ACSM6: variants seen among roughly 807,000 people sequenced by gnomAD.
The protein encoded by ACSM6 is acyl-coenzyme A synthetase ACSM6, mitochondrial.
In ACSM6, 35 loss-of-function variants were observed where a neutral mutation model predicts 51.1. The ratio of observed to expected loss-of-function variants is 0.69; its 90% CI spans 0.52 to 0.91. The LOEUF is 0.91. ACSM6 is among the 40% of genes least tolerant of loss of function. The pLI, the probability that ACSM6 is intolerant of heterozygous loss-of-function variation, is 0.00. For synonymous variants in ACSM6, 172 were observed against 207.3 expected, an observed-to-expected ratio of 0.83 and a Z score of 1.46; for missense variants, 509 against 584.1, an observed-to-expected ratio of 0.87 and a Z score of 1.32.
At chr10:95,195,014 C>T (rs1389247273) in intron 2 of ACSM6, among the ~76,000 whole-genome samples, 4 of 152,194 alleles carry the variant, frequency 2.6e-5, no homozygotes, top group African/African-American at 9.7e-5. Flanking sequence ...AAGTGTTTAG[C>T]ACAGGACTCA....
intron 3 of ACSM6, among the ~76,000 whole-genome samples, chr10:95,204,566 A>G (rs2034825081): frequency 6.6e-6 from 1 of 152,074 alleles, no homozygotes; most frequent in African/African-American, 2.4e-5. Flanking sequence ...TAAAAAAATA[A>G]TAATAATAAT....
chr10:95,209,570 A>C (rs2034874980), intron 4 of ACSM6, among the ~76,000 whole-genome samples: 2 of 152,220 alleles, frequency 1.3e-5, no homozygotes, highest in South Asian at 4.2e-4. Flanking sequence ...GTGGCAATGG[A>C]GACAGGACCG....
At chr10:95,225,215 T>C in intron 9 of ACSM6, 75 bp from the exon 10 acceptor site, 1 of 1,098,902 alleles carries the variant, frequency 9.1e-7, no homozygotes, top group South Asian at 1.4e-5. Context: ...AGGCTTAAGT[T>C]TAGATCTTGT....
intron 10 of ACSM6, chr10:95,225,631 CATT>C (rs1210424267): frequency 1.4e-5 from 5 of 369,538 alleles, no homozygotes; most frequent in Non-Finnish European, 2.4e-5. Flanking sequence ...TAAATGCAGA[CATT>C]ATGACACTTT....
At chr10:95,221,833 CA>C (rs1404214755) in intron 9 of ACSM6, among the ~76,000 whole-genome samples, 1 of 152,092 alleles carries the variant, frequency 6.6e-6, no homozygotes, top group Non-Finnish European at 1.5e-5. Context: ...ATGATAATCT[CA>C]AAAGACACAG....
chr10:95,197,373 A>G (rs1282570276), intron 2 of ACSM6, among the ~76,000 whole-genome samples: 2 of 152,134 alleles, frequency 1.3e-5, no homozygotes, highest in African/African-American at 4.8e-5. Flanking sequence ...CTCAGTTTTT[A>G]TTGATTATTA....
intron 4 of ACSM6, 132 bp from the exon 5 acceptor site, chr10:95,210,518 C>A: frequency 9.9e-7 from 1 of 1,011,510 alleles, no homozygotes; most frequent in Non-Finnish European, 1.4e-6. Flanking sequence ...GCCCCTCTAA[C>A]AAATAATCCT....
At chr10:95,213,808 A>T (rs1425035404) in intron 7 of ACSM6, among the ~76,000 whole-genome samples, 2 of 152,176 alleles carry the variant, frequency 1.3e-5, no homozygotes, top group African/African-American at 4.8e-5. Context: ...TTTAAGTGTA[A>T]ATTTCATTTT....
intron 5 of ACSM6, 138 bp downstream of exon 5, chr10:95,210,931 C>A: frequency 9.6e-7 from 1 of 1,037,720 alleles, no homozygotes; most frequent in Non-Finnish European, 1.3e-6. Context: ...AGGAACAGGG[C>A]TGAGGGCCCC....
intron 7 of ACSM6, 137 bp from the exon 8 acceptor site, chr10:95,214,715 T>C: frequency 1.0e-6 from 1 of 964,472 alleles, no homozygotes; most frequent in Non-Finnish European, 1.5e-6. Flanking sequence ...AGAGTAGTAT[T>C]AAGAACATCA....
At chr10:95,204,357 AC>A in intron 3 of ACSM6, among the ~76,000 whole-genome samples, 1 of 152,126 alleles carries the variant, frequency 6.6e-6, no homozygotes, top group African/African-American at 2.4e-5. Flanking sequence ...TTCGGGACCA[AC>A]CTGGCCAACA....
At chr10:95,213,090 T>A (rs1196827669) in intron 7 of ACSM6, 150 bp downstream of exon 7, 1 of 557,320 alleles carries the variant, frequency 1.8e-6, no homozygotes, top group Non-Finnish European at 3.1e-6. Flanking sequence ...TCCATTAGTG[T>A]GTGTGATTTT....
intron 5 of ACSM6, 72 bp downstream of exon 5, chr10:95,210,865 A>C: frequency 6.7e-7 from 1 of 1,493,354 alleles, no homozygotes; most frequent in Non-Finnish European, 9.0e-7. Context: ...TCATGGGACT[A>C]AAGCTAAGAA....
chr10:95,219,791 G>A, intron 8 of ACSM6, 100 bp from the exon 9 acceptor site: 2 of 859,206 alleles, frequency 2.3e-6, no homozygotes, highest in South Asian at 3.1e-5. Context: ...GTGTAATGTT[G>A]TTCTGTTAGG....
intron 9 of ACSM6, among the ~76,000 whole-genome samples, chr10:95,220,387 T>TA (rs1379492017): frequency 6.6e-6 from 1 of 152,208 alleles, no homozygotes; most frequent in Non-Finnish European, 1.5e-5. Flanking sequence ...TCGATTATTA[T>TA]AAATACTGTA....
At chr10:95,224,783 T>TAA (rs2035023765) in intron 9 of ACSM6, among the ~76,000 whole-genome samples, 3 of 152,350 alleles carry the variant, frequency 2.0e-5, no homozygotes, top group South Asian at 4.1e-4. Context: ...CACCACCTCC[T>TAA]AGACTGTTAT....
At chr10:95,202,621 A>G (rs2133374310) in intron 3 of ACSM6, among the ~76,000 whole-genome samples, 1 of 152,204 alleles carries the variant, frequency 6.6e-6, no homozygotes, top group Non-Finnish European at 1.5e-5. Context: ...TTCCCCATCT[A>G]TAAAAAAGAG....
At chr10:95,212,073 G>T (rs754193021) in intron 6 of ACSM6, 39 bp downstream of exon 6, 1 of 1,611,250 alleles carries the variant, frequency 6.2e-7, no homozygotes, top group Admixed American at 1.7e-5. Context: ...TGGGACAAAG[G>T]CCAGAGAGAG....
chr10:95,214,730 C>A, intron 7 of ACSM6, 122 bp from the exon 8 acceptor site: 1 of 1,125,598 alleles, frequency 8.9e-7, no homozygotes, highest in Non-Finnish European at 1.3e-6. Flanking sequence ...ACATCAACCA[C>A]CACTTAATGA....
Sources: gnomAD v4.1 joint callset for allele counts (sites outside exome capture counted in the v4.1 genomes callset) on GRCh38, gnomAD v4.1.1 for gene constraint, MANE v1.5 for transcripts, NCBI Gene and HGNC (gene_info 2026-07-23, HGNC 2026-07-21) for gene names.